Variants in XKR4 observed in about 807,000 individuals in gnomAD.
The protein encoded by XKR4 is XK related 4, also known as XK-related protein 4.
Under a neutral mutation model 53.9 loss-of-function variants are expected in XKR4, and 12 were observed. The observed-to-expected ratio is 0.22, with a 90% CI of 0.14 to 0.36. The LOEUF is 0.36. Ranked by LOEUF, XKR4 falls within the 10% of genes least tolerant of loss-of-function variation. The pLI is 1.00. For missense variants in XKR4, 799 were observed against 859.5 expected, an observed-to-expected ratio of 0.93 and a Z score of 0.88; for synonymous variants, 354 against 362.4, an observed-to-expected ratio of 0.98 and a Z score of 0.26.
intron 2 of XKR4, among the ~76,000 whole-genome samples, chr8:55,422,161 G>A (rs1225325604): frequency 2.0e-5 from 3 of 152,086 alleles, no homozygotes; most frequent in African/African-American, 7.2e-5. Flanking sequence ...AAATAAAATT[G>A]GCAGTGAAAA....
intron 1 of XKR4, among the ~76,000 whole-genome samples, chr8:55,117,929 C>A (rs983062792): frequency 1.1e-4 from 16 of 152,316 alleles, no homozygotes; most frequent in Middle Eastern, 3.4e-3. Flanking sequence ...TGAGTCTTCA[C>A]TTAGTGCTGT....
chr8:55,510,116 C>T (rs993442920), intron 2 of XKR4, among the ~76,000 whole-genome samples: 1 of 152,074 alleles, frequency 6.6e-6, no homozygotes, highest in East Asian at 1.9e-4. Flanking sequence ...GCAGGAGAGA[C>T]ACCCACAGGC....
At chr8:55,205,059 C>T (rs1446793306) in intron 1 of XKR4, among the ~76,000 whole-genome samples, 2 of 152,034 alleles carry the variant, frequency 1.3e-5, no homozygotes, top group East Asian at 1.9e-4. Context: ...AGGAGGCTTT[C>T]CAGAAGTGCT....
chr8:55,449,312 C>G (rs2129395944), intron 2 of XKR4, among the ~76,000 whole-genome samples: 1 of 152,314 alleles, frequency 6.6e-6, no homozygotes, highest in East Asian at 1.9e-4. Flanking sequence ...CGGTGCTCAG[C>G]TGTGACGCCG....
intron 1 of XKR4, among the ~76,000 whole-genome samples, chr8:55,346,725 G>GTGT (rs1381010172): frequency 3.4e-5 from 5 of 148,666 alleles, no homozygotes; most frequent in Non-Finnish European, 6.0e-5. Context: ...GTGTGTGTGT[G>GTGT]TTTAGAAAGC....
At chr8:55,425,473 A>G (rs566909229) in intron 2 of XKR4, among the ~76,000 whole-genome samples, 36 of 152,278 alleles carry the variant, frequency 2.4e-4, no homozygotes, top group Admixed American at 1.5e-3. Context: ...TTAGATTGAG[A>G]TCTCCAGCCT....
rs1394224536 is a variant in XKR4, at chr8:55,172,560, AAGAC to A, written c.806+69270_806+69273del. Among the ~76,000 whole-genome samples, 9 of 152,334 alleles carry A rather than the reference AAGAC, an allele frequency of 5.9e-5. No homozygotes were observed. The East Asian group carries it at 1.7e-3, about 29-fold the overall frequency. On this transcript the variant is annotated intron_variant, in intron 1 of 2. Coordinates refer to ENST00000327381, the MANE Select transcript of XKR4 (RefSeq NM_052898.2). ...TCCCCCTTTCCTATAGTATAAAACAAAGACAGAGTGAAAAGCATTTAGAAAAAGA... is the reference window on the plus strand; with the variant it reads ...TCCCCCTTTCCTATAGTATAAAACAAAGAGTGAAAAGCATTTAGAAAAAGA...
At chr8:55,279,715 G>GCCCGTCAGCCAGGGCACACAGTCTTC (rs1444898856) in intron 1 of XKR4, among the ~76,000 whole-genome samples, 1 of 152,148 alleles carries the variant, frequency 6.6e-6, no homozygotes, top group Non-Finnish European at 1.5e-5. Flanking sequence ...GTTCGCCTCA[G>GCCCGTCAGCCAGGGCACACAGTCTTC]CCCGTCAGCC....
intron 1 of XKR4, chr8:55,272,773 T>C (rs1818710156): frequency 1.1e-5 from 4 of 374,276 alleles, no homozygotes; most frequent in South Asian, 8.3e-5. Flanking sequence ...TCTGTTTAGC[T>C]ACCATTGTGG....
At chr8:55,133,190 AT>A (rs200932946) in intron 1 of XKR4, among the ~76,000 whole-genome samples, 218 of 152,386 alleles carry the variant, frequency 1.4e-3, no homozygotes, top group African/African-American at 4.3e-3. Context: ...CCACAAACTT[AT>A]GGAAAAGCAG....
At chr8:55,449,469 TA>T in intron 2 of XKR4, 1 of 973,290 alleles carries the variant, frequency 1.0e-6, no homozygotes, top group Non-Finnish European at 1.6e-6. Flanking sequence ...TAGTGGTCGG[TA>T]ACGACTGGAA....
chr8:55,251,139 G>A (rs1429147466), intron 1 of XKR4, among the ~76,000 whole-genome samples: 2 of 152,212 alleles, frequency 1.3e-5, no homozygotes, highest in Non-Finnish European at 2.9e-5. Flanking sequence ...TGTAGATATA[G>A]GTGTATGTGT....
At chr8:55,322,467 G>A (rs371421892) in intron 1 of XKR4, among the ~76,000 whole-genome samples, 16 of 152,278 alleles carry the variant, frequency 1.1e-4, no homozygotes, top group African/African-American at 3.4e-4. Context: ...TCTTACAAAT[G>A]TTCAAACATT....
chr8:55,121,853 C>T lies in XKR4; in HGVS notation c.806+18559C>T, dbSNP rs909317667. Reference sequence around the variant, plus strand: ...AACATTACACACACACACACACACACACACACACACCCCTTTGACATACTT... The same window carrying T: ...AACATTACACACACACACACACACATACACACACACCCCTTTGACATACTT... On this transcript the variant is annotated intron_variant, in intron 1 of 2. Coordinates refer to ENST00000327381, the MANE Select transcript of XKR4 (RefSeq NM_052898.2). Among the ~76,000 whole-genome samples, 198 of 151,994 alleles carry T rather than the reference C, an allele frequency of 1.3e-3. 1 individual carries two copies. The highest frequency in any genetic ancestry group is 2.4e-3 in the Admixed American group (37 of 15,246).
intron 1 of XKR4, among the ~76,000 whole-genome samples, chr8:55,167,620 T>C (rs1402442397): frequency 2.0e-5 from 3 of 152,196 alleles, no homozygotes; most frequent in Non-Finnish European, 2.9e-5. Flanking sequence ...TTTATCTGCA[T>C]ATAACCACTG....
intron 2 of XKR4, among the ~76,000 whole-genome samples, chr8:55,433,406 G>A (rs1049666010): frequency 2.0e-5 from 3 of 152,156 alleles, no homozygotes; most frequent in Non-Finnish European, 4.4e-5. Flanking sequence ...AGTTAATATA[G>A]GAAGAGATAA....
chr8:55,210,954 G>C (rs1254593857), intron 1 of XKR4, among the ~76,000 whole-genome samples: 2 of 152,218 alleles, frequency 1.3e-5, no homozygotes, highest in Non-Finnish European at 2.9e-5. Context: ...ACATATGTCA[G>C]GGGATGAAAT....
intron 2 of XKR4, among the ~76,000 whole-genome samples, chr8:55,482,993 A>T (rs1242960752): frequency 1.3e-5 from 2 of 152,210 alleles, no homozygotes; most frequent in African/African-American, 4.8e-5. Flanking sequence ...AGCCCTGTTC[A>T]TAATAAACTG....
chr8:55,407,284 T>C (rs749373603), intron 2 of XKR4, among the ~76,000 whole-genome samples: 1 of 152,184 alleles, frequency 6.6e-6, no homozygotes, highest in South Asian at 2.1e-4. Context: ...AGGAAGAACA[T>C]GTCGGGTGTG....
Sources: allele counts gnomAD v4.1 joint callset (sites outside exome capture counted in the v4.1 genomes callset), GRCh38; gene constraint gnomAD v4.1.1; transcripts MANE v1.5; gene names NCBI Gene and HGNC (gene_info 2026-07-23, HGNC 2026-07-21).